The following TNIP1 variants were observed in gnomAD, a reference collection of about 807,000 sequenced individuals.
The protein encoded by TNIP1 is TNFAIP3-interacting protein 1.
Under a neutral mutation model 86.6 loss-of-function variants are expected in TNIP1, and 22 were observed. The observed-to-expected ratio is 0.25, with a 90% CI of 0.18 to 0.36. The LOEUF is 0.36. TNIP1 is among the 10% of genes least tolerant of loss of function. The pLI, the probability that TNIP1 is intolerant of heterozygous loss-of-function variation, is 1.00. For synonymous variants in TNIP1, 294 were observed against 313.0 expected (o/e 0.94, Z 0.64); for missense variants, 709 against 820.6 (o/e 0.86, Z 1.66).
rs1412783767 is a variant in TNIP1, at chr5:151,054,268, C to T, written c.628-2009G>A. On this transcript the variant is annotated intron_variant, in intron 6 of 17. Transcript: ENST00000521591. ...GGAGGGAAAACTTTTGTTGTGTAACCCAGGGAGATTTCAGAGTTGTTTCAT... is the reference window on the plus strand; with the variant it reads ...GGAGGGAAAACTTTTGTTGTGTAACTCAGGGAGATTTCAGAGTTGTTTCAT... Among the ~76,000 whole-genome samples the T allele has an allele frequency of 5.3e-5, 8 of 152,252 alleles. No homozygotes were observed. In the East Asian group the frequency reaches 1.5e-3, roughly 29 times the overall value.
intron 1 of TNIP1, among the ~76,000 whole-genome samples, chr5:151,070,024 A>G (rs1762660676): frequency 6.6e-6 from 1 of 152,154 alleles, no homozygotes; most frequent in Admixed American, 6.5e-5. Flanking sequence ...GAGGCCTGAG[A>G]GGGGGCCTCA....
chr5:151,078,260 G>C (rs1003903410), intron 1 of TNIP1: 1 of 152,192 alleles, frequency 6.6e-6, no homozygotes, highest in Non-Finnish European at 1.5e-5. Context: ...AGAGCGCTAG[G>C]AGAGCACTCT....
chr5:151,041,184 C>T (rs1057200403), intron 11 of TNIP1, among the ~76,000 whole-genome samples: 6 of 151,952 alleles, frequency 3.9e-5, no homozygotes, highest in Non-Finnish European at 7.4e-5. Context: ...GATTCTCGTG[C>T]CTCAGTCTAC....
chr5:151,058,488 C>G (rs572160479), intron 5 of TNIP1, among the ~76,000 whole-genome samples: 1 of 152,338 alleles, frequency 6.6e-6, no homozygotes, highest in East Asian at 1.9e-4. Context: ...GGCACTGGGC[C>G]CAGCTCCCCT....
At chr5:151,081,845 T>C (rs1172279843), upstream of TNIP1, among the ~76,000 whole-genome samples, 2 of 152,162 alleles carry the variant, frequency 1.3e-5, no homozygotes, top group Non-Finnish European at 2.9e-5. Context: ...CCTAGACCGG[T>C]AAGGAACATA....
intron 4 of TNIP1, 86 bp from the exon 5 acceptor site, chr5:151,060,481 GACAAAATCTCTTCCCATTTTGAGTAC>G: frequency 8.4e-7 from 1 of 1,190,710 alleles, no homozygotes; most frequent in South Asian, 1.2e-5. Flanking sequence ...CAGCAAGGGG[GACAAAATCTCTTCCCATTTTGAGTAC>G]ACAGGGACCG....
chr5:151,063,959 TCGGGGGACACAGG>T (rs1373442991), intron 2 of TNIP1, among the ~76,000 whole-genome samples: 1 of 152,062 alleles, frequency 6.6e-6, no homozygotes, highest in African/African-American at 2.4e-5. Flanking sequence ...GGCCCAGCAA[TCGGGGGACACAGG>T]AGCGGAAGGA....
At chr5:151,085,070 A>G (rs1764227985), upstream of TNIP1, among the ~76,000 whole-genome samples, 1 of 152,196 alleles carries the variant, frequency 6.6e-6, no homozygotes, top group Non-Finnish European at 1.5e-5. Flanking sequence ...TTGTATCTTC[A>G]GAGGTTTTCA....
chr5:151,060,035 T>C (rs766597196), intron 5 of TNIP1, among the ~76,000 whole-genome samples: 2 of 152,238 alleles, frequency 1.3e-5, no homozygotes, highest in Non-Finnish European at 2.9e-5. Context: ...TGAGTCATAG[T>C]GTGCGGAGGT....
In TNIP1 at chr5:151,057,208, A is replaced by G. The variant is rs555322789; in HGVS notation, c.436-251T>C. ...CATCCTCCCACACACTGGGCCTTGC[A>G]GAGTGCCTGACAGTAAGTCACTTGT... On this transcript the variant is annotated intron_variant, in intron 5 of 17. Coordinates refer to ENST00000521591, the MANE Select transcript of TNIP1 (RefSeq NM_006058.5). Among the ~76,000 whole-genome samples the G allele has an allele frequency of 5.4e-3, 822 of 152,338 alleles. 4 individuals are homozygous for G. The highest frequency in any genetic ancestry group is 0.018 in the African/African-American group (762 of 41,576).
chr5:151,043,007 C>T (rs779952587), intron 9 of TNIP1, 46 bp from the exon 10 acceptor site: 6 of 1,602,214 alleles, frequency 3.7e-6, no homozygotes, highest in East Asian at 2.2e-5. Context: ...AGAGAAGGAA[C>T]AAGGAGAGCC....
intron 9 of TNIP1, among the ~76,000 whole-genome samples, chr5:151,043,204 A>C (rs4958876): frequency 0.86 from 130,759 of 152,230 alleles, 56,350 homozygotes; most frequent in East Asian, 0.97. Context: ...GAAACTACAT[A>C]GTTTTGGTGA....
Position 151,042,961 on chromosome 5 carries a change from G to A in TNIP1, c.937C>T (p.Leu313=), listed in dbSNP as rs1374423891. 20 of 1,614,174 alleles carry A rather than the reference G, an allele frequency of 1.2e-5. No individual in the cohort carries two copies. Among genetic ancestry groups the A allele is most frequent in the Non-Finnish European group, 1.7e-5 (20 of 1,180,014 alleles). The part of the protein sequence containing the change: ...VKMLEQQRSE[L]LEVNKQWDQH... ...TCCCACTGCTTGTTCACTTCCAGCAGCTGTGGGGAGAGACTGGAGTTAGCA... is the reference window on the plus strand; with the variant it reads ...TCCCACTGCTTGTTCACTTCCAGCAACTGTGGGGAGAGACTGGAGTTAGCA... The change falls in exon 10 of 18, where the codon CTG becomes TTG. Residue 313 remains leucine, a splice_region_variant and synonymous_variant. Transcript: ENST00000521591.
intron 5 of TNIP1, among the ~76,000 whole-genome samples, chr5:151,057,442 C>A (rs1760815832): frequency 6.6e-6 from 1 of 152,180 alleles, no homozygotes; most frequent in Non-Finnish European, 1.5e-5. Context: ...AAAAAACAAA[C>A]TGGCCGGGCG....
At chr5:151,032,476 C>A in intron 16 of TNIP1, 93 bp from the exon 17 acceptor site, 1 of 1,244,636 alleles carries the variant, frequency 8.0e-7, no homozygotes, top group South Asian at 1.3e-5. Flanking sequence ...CTGTATTAGT[C>A]AAGTATAATT....
intron 8 of TNIP1, among the ~76,000 whole-genome samples, chr5:151,048,967 G>A (rs1252990368): frequency 3.9e-5 from 6 of 152,238 alleles, no homozygotes; most frequent in Non-Finnish European, 4.4e-5. Flanking sequence ...GCTATAGAAT[G>A]GAATACTAGT....
upstream of TNIP1, among the ~76,000 whole-genome samples, chr5:151,085,544 C>G (rs1764243016): frequency 6.6e-6 from 1 of 152,190 alleles, no homozygotes. Flanking sequence ...CTGGGCTGGC[C>G]TGTTACACTT....
At chr5:151,049,795 T>A in intron 8 of TNIP1, 29 bp downstream of exon 8, 1 of 1,613,772 alleles carries the variant, frequency 6.2e-7, no homozygotes, top group Non-Finnish European at 8.5e-7. Context: ...CAACCAAGGA[T>A]GCTACAGAAG....
intron 12 of TNIP1, chr5:151,037,135 G>A: frequency 2.0e-6 from 1 of 501,472 alleles, no homozygotes; most frequent in South Asian, 3.1e-5. Flanking sequence ...AAAAGACTAT[G>A]ATCATCATCC....
Sources: allele counts gnomAD v4.1 joint callset (sites outside exome capture counted in the v4.1 genomes callset), GRCh38; gene constraint gnomAD v4.1.1; transcripts MANE v1.5; gene names NCBI Gene and HGNC (gene_info 2026-07-23, HGNC 2026-07-21).